The following DGKB variants were observed in gnomAD, a reference collection of about 807,000 sequenced individuals.
The protein encoded by DGKB is diacylglycerol kinase beta, also known as 90 kDa diacylglycerol kinase.
Under a neutral mutation model 114.3 loss-of-function variants are expected in DGKB, and 67 were observed. The observed-to-expected ratio is 0.59, with a 90% CI of 0.48 to 0.72. The LOEUF is 0.72. DGKB is among the 30% of genes least tolerant of loss of function. The probability of loss-of-function intolerance (pLI) is 0.00; values close to 1 mark genes in which losing one functional copy is unlikely to be tolerated. For synonymous variants in DGKB, 398 were observed against 323.1 expected (o/e 1.23, Z -2.49); for missense variants, 907 against 975.2 (o/e 0.93, Z 0.93).
chr7:14,888,164 G>A (rs963769213), intron 1 of DGKB, among the ~76,000 whole-genome samples: 3 of 151,608 alleles, frequency 2.0e-5, no homozygotes, highest in Admixed American at 2.0e-4. Flanking sequence ...TTAATAATTA[G>A]GAAGTTATCA....
intron 25 of DGKB, among the ~76,000 whole-genome samples, chr7:14,156,357 T>C (rs1783018939): frequency 6.6e-6 from 1 of 152,156 alleles, no homozygotes; most frequent in South Asian, 2.1e-4. Context: ...GGCAAACATG[T>C]TCTGTAAAGG....
intron 4 of DGKB, among the ~76,000 whole-genome samples, chr7:14,747,606 T>C (rs1833492094): frequency 6.6e-6 from 1 of 152,164 alleles, no homozygotes; most frequent in African/African-American, 2.4e-5. Flanking sequence ...AGAGTTTCTA[T>C]TGCTGTCATG....
At chr7:14,496,341 AAAGGTGGT>A (rs1174954090) in intron 20 of DGKB, among the ~76,000 whole-genome samples, 1 of 151,644 alleles carries the variant, frequency 6.6e-6, no homozygotes, top group Non-Finnish European at 1.5e-5. Flanking sequence ...TAAAAGTTTA[AAAGGTGGT>A]AAGATAGATG....
chr7:14,889,267 C>T (rs1218355795), intron 1 of DGKB, among the ~76,000 whole-genome samples: 1 of 151,686 alleles, frequency 6.6e-6, no homozygotes, highest in African/African-American at 2.4e-5. Context: ...AAGTTCAGCT[C>T]TACCAGCATT....
At chr7:14,550,766 G>T (rs887062375) in intron 20 of DGKB, among the ~76,000 whole-genome samples, 1 of 151,914 alleles carries the variant, frequency 6.6e-6, no homozygotes, top group Non-Finnish European at 1.5e-5. Context: ...CAGACCAACA[G>T]AATTTTATCA....
upstream of DGKB, among the ~76,000 whole-genome samples, chr7:14,905,230 C>A (rs1367619546): frequency 1.5e-5 from 2 of 134,418 alleles, no homozygotes; most frequent in Non-Finnish European, 1.5e-5. Context: ...GAGTATTTAA[C>A]ATCCATCTTG....
rs576766705 is a variant in DGKB, at chr7:14,206,985, A to C, written c.2123-28834T>G. On this transcript the variant is annotated intron_variant, in intron 23 of 25. Coordinates refer to ENST00000402815, the MANE Select transcript of DGKB (RefSeq NM_001350709.2). ...CTAAGTATTAGGGTAAAAATGTATG[A>C]GATGGAATTTATAAATGTTGGCAAT... is the stretch of plus-strand genomic sequence containing the variant. 7.9e-5 allele frequency among the ~76,000 whole-genome samples: 12 copies of C among 151,826 alleles called. 1 individual carries two copies. The South Asian group carries it at 2.5e-3, about 31-fold the overall frequency.
intron 20 of DGKB, among the ~76,000 whole-genome samples, chr7:14,532,025 G>C (rs1364305525): frequency 6.6e-6 from 1 of 151,018 alleles, no homozygotes; most frequent in East Asian, 1.9e-4. Context: ...AAATTGCAAT[G>C]AATCCTACAT....
chr7:14,562,262 C>T (rs772354173), intron 20 of DGKB, among the ~76,000 whole-genome samples: 2 of 152,194 alleles, frequency 1.3e-5, no homozygotes, highest in Non-Finnish European at 2.9e-5. Flanking sequence ...ATCTGGATAT[C>T]CAGGAAGAAG....
intron 12 of DGKB, among the ~76,000 whole-genome samples, chr7:14,680,962 CA>C (rs1458619028): frequency 6.6e-6 from 1 of 151,500 alleles, no homozygotes; most frequent in East Asian, 1.9e-4. Context: ...ATTGGAGATA[CA>C]AAGAAGAAAT....
intron 20 of DGKB, among the ~76,000 whole-genome samples, chr7:14,486,670 G>A (rs937388017): frequency 6.6e-6 from 1 of 152,114 alleles, no homozygotes; most frequent in African/African-American, 2.4e-5. Flanking sequence ...ACAGCAGAAC[G>A]AACAAGGGCA....
intron 1 of DGKB, among the ~76,000 whole-genome samples, chr7:14,940,343 C>CT (rs35621459): frequency 0.13 from 18,971 of 145,750 alleles, 1,577 homozygotes; most frequent in Non-Finnish European, 0.2. Flanking sequence ...GTCTTCAAGC[C>CT]TTTTTTTTTT....
At chr7:14,817,382 T>G (rs1844305333) in intron 2 of DGKB, among the ~76,000 whole-genome samples, 1 of 152,182 alleles carries the variant, frequency 6.6e-6, no homozygotes, top group Non-Finnish European at 1.5e-5. Flanking sequence ...GGTTTTAGTT[T>G]GAAAACAACA....
At position 14,527,925 on chromosome 7, in the gene DGKB, C is replaced by G. The variant is rs375815184; in HGVS notation, c.1770+46287G>C. Among the ~76,000 whole-genome samples, 519 of 152,128 alleles carry G rather than the reference C, an allele frequency of 3.4e-3. 3 individuals are homozygous for G. The highest frequency in any genetic ancestry group is 0.012 in the African/African-American group (503 of 41,540). On this transcript the variant is annotated intron_variant, in intron 20 of 25. Coordinates refer to ENST00000402815, the MANE Select transcript of DGKB (RefSeq NM_001350709.2). ...TTTGTGGAGGTGCCGAGTACTGGCA[C>G]TAAAAACTTCTGCTATATGGAAGTA... is the stretch of plus-strand genomic sequence containing the variant.
intron 20 of DGKB, among the ~76,000 whole-genome samples, chr7:14,551,799 G>A (rs1013580740): frequency 6.6e-6 from 1 of 151,970 alleles, no homozygotes; most frequent in African/African-American, 2.4e-5. Flanking sequence ...AGTAAGAAAT[G>A]GGTTTGCTTA....
intron 21 of DGKB, among the ~76,000 whole-genome samples, chr7:14,379,278 CT>C (rs1242544990): frequency 6.6e-6 from 1 of 152,148 alleles, no homozygotes. Flanking sequence ...TTTTCATCAT[CT>C]GTAAGTTCTT....
upstream of DGKB, among the ~76,000 whole-genome samples, chr7:14,907,794 C>T (rs148892939): frequency 3.8e-3 from 580 of 152,158 alleles, 2 homozygotes; most frequent in African/African-American, 0.013. Flanking sequence ...TCCTCTGCTT[C>T]GATGAAGGTA....
At chr7:14,625,783 TA>T (rs927171558) in intron 14 of DGKB, among the ~76,000 whole-genome samples, 4 of 151,528 alleles carry the variant, frequency 2.6e-5, no homozygotes, top group African/African-American at 4.8e-5. Flanking sequence ...CTACTCTAAC[TA>T]AAAAAAAGTC....
intron 21 of DGKB, among the ~76,000 whole-genome samples, chr7:14,403,749 G>T (rs887514267): frequency 6.6e-6 from 1 of 151,866 alleles, no homozygotes; most frequent in African/African-American, 2.4e-5. Flanking sequence ...CACCACACTA[G>T]CTTGCTTTTT....
Sources: allele counts gnomAD v4.1 joint callset (sites outside exome capture counted in the v4.1 genomes callset), GRCh38; gene constraint gnomAD v4.1.1; transcripts MANE v1.5; gene names NCBI Gene and HGNC (gene_info 2026-07-23, HGNC 2026-07-21).